COBL: variants seen among roughly 807,000 people sequenced by gnomAD.
COBL encodes the protein protein cordon-bleu.
In COBL, 51 loss-of-function variants were observed where a neutral mutation model predicts 98.8. The observed-to-expected ratio is 0.52, with a 90% CI of 0.41 to 0.65. The LOEUF (loss-of-function observed/expected upper bound fraction) is 0.65. Among genes scored for constraint, COBL ranks in the 30% least tolerant of loss-of-function variants. The pLI is 0.00. For synonymous variants in COBL, 634 were observed against 651.7 expected (o/e 0.97, Z 0.41); for missense variants, 1,617 against 1,617.5 (o/e 1.00, Z 0.01).
intron 5 of COBL, among the ~76,000 whole-genome samples, chr7:51,183,819 A>T (rs1789228678): frequency 6.6e-6 from 1 of 152,214 alleles, no homozygotes; most frequent in Non-Finnish European, 1.5e-5. Context: ...GTACCGGAAC[A>T]CCCACAGGCA....
intron 5 of COBL, among the ~76,000 whole-genome samples, chr7:51,148,744 T>C (rs936802004): frequency 2.0e-5 from 3 of 152,096 alleles, no homozygotes; most frequent in Non-Finnish European, 2.9e-5. Flanking sequence ...TGAATACCCC[T>C]TCAGAGCCAG....
intron 5 of COBL, among the ~76,000 whole-genome samples, chr7:51,177,880 C>T (rs1788549258): frequency 6.6e-6 from 1 of 152,000 alleles, no homozygotes; most frequent in South Asian, 2.1e-4. Context: ...CACGGTGGCT[C>T]ATGCCTGTAA....
intron 1 of COBL, among the ~76,000 whole-genome samples, chr7:51,302,048 C>T (rs1802018002): frequency 6.6e-6 from 1 of 152,262 alleles, no homozygotes; most frequent in East Asian, 1.9e-4. Context: ...TGGCCCTCCC[C>T]GAGGGCAGCC....
intron 2 of COBL, among the ~76,000 whole-genome samples, chr7:51,206,695 A>G (rs751861240): frequency 6.6e-6 from 1 of 152,214 alleles, no homozygotes; most frequent in Non-Finnish European, 1.5e-5. Context: ...ACACAGCCTT[A>G]AAAGAGAAGG....
intron 1 of COBL, among the ~76,000 whole-genome samples, chr7:51,294,939 G>A (rs1349216187): frequency 1.3e-5 from 2 of 151,996 alleles, no homozygotes; most frequent in Non-Finnish European, 2.9e-5. Context: ...TGCGGGGTAG[G>A]GGCAAGGGGA....
chr7:51,103,275 C>T (rs926724319), intron 6 of COBL, among the ~76,000 whole-genome samples: 2 of 151,988 alleles, frequency 1.3e-5, no homozygotes, highest in Non-Finnish European at 2.9e-5. Context: ...ATGTTTAATG[C>T]TTATTATTTA....
intron 12 of COBL, among the ~76,000 whole-genome samples, chr7:51,019,103 C>T (rs1419721512): frequency 1.3e-5 from 2 of 151,112 alleles, no homozygotes; most frequent in African/African-American, 2.4e-5. Flanking sequence ...CTCCACTTAG[C>T]CAGATGTTTC....
chr7:51,088,402 T>G (rs925714521), intron 6 of COBL, among the ~76,000 whole-genome samples: 3 of 46,014 alleles, frequency 6.5e-5, no homozygotes, highest in African/African-American at 1.4e-4. Flanking sequence ...TAGTTACTGT[T>G]TTTTTTTTGT....
intron 10 of COBL, among the ~76,000 whole-genome samples, chr7:51,027,271 C>T (rs767277583): frequency 6.6e-6 from 1 of 152,220 alleles, no homozygotes; most frequent in Non-Finnish European, 1.5e-5. Context: ...AAGGCGTGTC[C>T]TACAATTACT....
chr7:51,058,204 G>C (rs557659098), intron 7 of COBL, among the ~76,000 whole-genome samples: 1 of 151,848 alleles, frequency 6.6e-6, no homozygotes, highest in Non-Finnish European at 1.5e-5. Context: ...GTTTATGTAT[G>C]CACTTTGTAC....
At chr7:51,267,148 G>C (rs924275118) in intron 1 of COBL, among the ~76,000 whole-genome samples, 13 of 152,088 alleles carry the variant, frequency 8.5e-5, no homozygotes, top group African/African-American at 3.1e-4. Context: ...ACAAAAATAA[G>C]TATCTCATTT....
intron 5 of COBL, among the ~76,000 whole-genome samples, chr7:51,180,349 G>C (rs1788816771): frequency 6.6e-6 from 1 of 152,186 alleles, no homozygotes; most frequent in Non-Finnish European, 1.5e-5. Flanking sequence ...GACAGGCCCA[G>C]TAATCTCAAG....
At chr7:51,177,810 AT>A in intron 5 of COBL, among the ~76,000 whole-genome samples, 3 of 150,958 alleles carry the variant, frequency 2.0e-5, no homozygotes, top group African/African-American at 7.3e-5. Flanking sequence ...AAATAAATAA[AT>A]AAATAAAAAT....
Position 51,190,978 on chromosome 7 carries a change from G to A in COBL, c.557C>T (p.Ala186Val), listed in dbSNP as rs757398535. 5 of 1,613,998 alleles carry A rather than the reference G, an allele frequency of 3.1e-6. No homozygotes were observed. In the South Asian group the frequency reaches 5.5e-5, roughly 18 times the overall value. The change falls in exon 4 of 13, where the codon GCA becomes GTA. Residue 186 changes from alanine to valine, a missense_variant. This residue lies in a region of COBL where 75 missense variants were observed against 120.5 expected (regional missense o/e 0.62). Transcript: ENST00000265136. ...PLQNILPVIC[A>V]KCEVSPEHVV... is the part of the protein sequence containing the mutation. ...GTGCTCTGGGCTGACCTCACACTTT[G>A]CACAAATGACTGGGAGAATATTCTG...
At chr7:51,067,904 C>T (rs1334527947) in intron 7 of COBL, among the ~76,000 whole-genome samples, 1 of 152,224 alleles carries the variant, frequency 6.6e-6, no homozygotes, top group African/African-American at 2.4e-5. Context: ...AATCTCTTGT[C>T]TCTTAAATAA....
intron 7 of COBL, among the ~76,000 whole-genome samples, chr7:51,059,733 G>A (rs1439695077): frequency 6.6e-6 from 1 of 152,068 alleles, no homozygotes; most frequent in African/African-American, 2.4e-5. Context: ...CTGTCTCCCA[G>A]CTACCCCGCC....
chr7:51,091,382 C>A lies in COBL; in HGVS notation c.958-6078G>T, dbSNP rs115429354. 2.0e-3 allele frequency among the ~76,000 whole-genome samples: 302 copies of A among 152,122 alleles called. 1 individual carries two copies. The highest frequency in any genetic ancestry group is 6.5e-3 in the African/African-American group (269 of 41,508). ...GAAGCTGAAAAATAAAATAACCGAA[C>A]TAAAAAGTTCACTGGAGGAGTTCAA... On this transcript the variant is annotated intron_variant, in intron 6 of 12. Transcript: ENST00000265136.
chr7:51,199,968 T>C (rs1790962255), intron 2 of COBL, among the ~76,000 whole-genome samples: 1 of 152,138 alleles, frequency 6.6e-6, no homozygotes, highest in South Asian at 2.1e-4. Flanking sequence ...CACATTATAG[T>C]TTGTCTCAAA....
At chr7:51,155,699 A>G (rs1420388105) in intron 5 of COBL, among the ~76,000 whole-genome samples, 1 of 151,094 alleles carries the variant, frequency 6.6e-6, no homozygotes, top group Non-Finnish European at 1.5e-5. Flanking sequence ...AGGAACACTC[A>G]GAAGCTCTAC....
Sources: gnomAD v4.1 joint callset for allele counts (sites outside exome capture counted in the v4.1 genomes callset) on GRCh38, gnomAD v4.1.1 for gene constraint, gnomAD v4.1.1 regional missense constraint, MANE v1.5 for transcripts, NCBI Gene and HGNC (gene_info 2026-07-23, HGNC 2026-07-21) for gene names.